The following MON2 variants were observed in gnomAD, a reference collection of about 807,000 sequenced individuals.
The protein encoded by MON2 is MON2 regulator of endosome-to-Golgi trafficking.
Under a neutral mutation model 208.6 loss-of-function variants are expected in MON2, and 84 were observed. That is an observed-to-expected ratio of 0.40 (90% CI 0.34 to 0.48). The LOEUF (loss-of-function observed/expected upper bound fraction) is 0.48, where lower values mean the gene tolerates loss of function less well. MON2 is among the 20% of genes least tolerant of loss of function. MON2 has a pLI of 0.59. For synonymous variants in MON2, 660 were observed against 694.0 expected, an observed-to-expected ratio of 0.95 and a Z score of 0.77; for missense variants, 1,611 against 2,015.4, an observed-to-expected ratio of 0.80 and a Z score of 3.84.
At chr12:62,580,472 C>G in intron 32 of MON2, 52 bp downstream of exon 32, 1 of 1,455,830 alleles carries the variant, frequency 6.9e-7, no homozygotes, top group East Asian at 2.3e-5. Context: ...TTTGAAGAAA[C>G]TGTCAGTAGA....
intron 30 of MON2, among the ~76,000 whole-genome samples, chr12:62,574,612 T>C (rs2074712354): frequency 6.6e-6 from 1 of 152,058 alleles, no homozygotes; most frequent in Non-Finnish European, 1.5e-5. Context: ...TTTTAATGGC[T>C]AAAAATAATA....
At position 62,597,349 on chromosome 12, in the gene MON2, T is replaced by TC. The variant is rs1294668573; in HGVS notation, c.*4601dup. 2 of 152,208 alleles carry TC rather than the reference T, an allele frequency of 1.3e-5. No individual in the cohort carries two copies. Among genetic ancestry groups the TC allele is most frequent in the Non-Finnish European group, 2.9e-5 (2 of 68,040 alleles). The allele number at this position is 152,208 out of a possible 1,614,324, so 9.4% of individuals were successfully genotyped here. On this transcript the variant is annotated 3_prime_UTR_variant, in exon 35 of 35. Coordinates refer to ENST00000393630, the MANE Select transcript of MON2 (RefSeq NM_015026.3). Reference sequence around the variant, plus strand: ...CTGCCTCTTCTCTTTCAGCTCTTTCTCTAATTGTGCCTATTCCTTGTTCAT... The same window carrying TC: ...CTGCCTCTTCTCTTTCAGCTCTTTCTCCTAATTGTGCCTATTCCTTGTTCAT...
chr12:62,497,678 A>T (rs1388839973), intron 4 of MON2, among the ~76,000 whole-genome samples: 1 of 151,890 alleles, frequency 6.6e-6, no homozygotes, highest in African/African-American at 2.4e-5. Flanking sequence ...GCAGTGGCGC[A>T]ATTTTGGCTC....
intron 8 of MON2, among the ~76,000 whole-genome samples, chr12:62,519,149 G>A (rs1046247868): frequency 2.6e-5 from 4 of 152,140 alleles, no homozygotes; most frequent in African/African-American, 7.2e-5. Flanking sequence ...GGAAGAGGGG[G>A]TGCTACCATT....
At chr12:62,537,432 TATG>T (rs1340012106) in intron 15 of MON2, among the ~76,000 whole-genome samples, 167 bp from the exon 16 acceptor site, 3 of 152,248 alleles carry the variant, frequency 2.0e-5, no homozygotes, top group Non-Finnish European at 2.9e-5. Context: ...CTGTAACCAA[TATG>T]ATAATACAAC....
chr12:62,565,917 A>G (rs929433899), intron 27 of MON2, 97 bp from the exon 28 acceptor site: 2 of 1,169,802 alleles, frequency 1.7e-6, no homozygotes, highest in African/African-American at 3.1e-5. Flanking sequence ...TGTTCACTCA[A>G]CATAAAAATT....
In MON2 at chr12:62,479,863, G is replaced by A. The variant is rs142804997; in HGVS notation, c.112-4307G>A. ...TTTATTAGGTTCCCTGCAGATATAC[G>A]TGGTATCTGATCAGAATAGGGAATA... On this transcript the variant is annotated intron_variant, in intron 1 of 34. Coordinates refer to ENST00000393630, the MANE Select transcript of MON2 (RefSeq NM_015026.3). Among the ~76,000 whole-genome samples, 659 of 152,076 alleles carry A rather than the reference G, an allele frequency of 4.3e-3. 7 individuals carry two copies. Among genetic ancestry groups the A allele is most frequent in the African/African-American group, 0.015 (621 of 41,454 alleles).
intron 4 of MON2, among the ~76,000 whole-genome samples, chr12:62,498,436 T>G (rs1446374928): frequency 6.6e-6 from 1 of 152,190 alleles, no homozygotes; most frequent in Non-Finnish European, 1.5e-5. Context: ...CACATGTTTG[T>G]CAGAACTCAT....
chr12:62,482,711 C>T (rs1033028940), intron 1 of MON2: 1 of 152,126 alleles, frequency 6.6e-6, no homozygotes, highest in Non-Finnish European at 1.5e-5. Flanking sequence ...AGATGTAATA[C>T]ATATACGTAA....
Position 62,553,193 on chromosome 12 carries a change from G to C in MON2, c.3210+19G>C. The C allele has an allele frequency of 6.2e-7, 1 of 1,602,764 alleles. No individual in the cohort carries two copies. ...CTGGAAGGTATTGTAAAATAGATTGGACTATCAGCTTTTAATGAGTCATGC... is the reference window on the plus strand; with the variant it reads ...CTGGAAGGTATTGTAAAATAGATTGCACTATCAGCTTTTAATGAGTCATGC... On this transcript the variant is annotated intron_variant, in intron 24 of 34. Coordinates refer to ENST00000393630, the MANE Select transcript of MON2 (RefSeq NM_015026.3).
At chr12:62,546,199 A>G (rs1412914176) in intron 21 of MON2, among the ~76,000 whole-genome samples, 2 of 152,190 alleles carry the variant, frequency 1.3e-5, no homozygotes, top group East Asian at 3.9e-4. Flanking sequence ...TACATATGAT[A>G]TACATTAATA....
At chr12:62,525,709 T>C (rs2072296385) in intron 10 of MON2, among the ~76,000 whole-genome samples, 1 of 152,204 alleles carries the variant, frequency 6.6e-6, no homozygotes, top group African/African-American at 2.4e-5. Context: ...AGGCTAAACA[T>C]TTATCAGCAT....
At chr12:62,529,016 G>A (rs1024545399) in intron 11 of MON2, among the ~76,000 whole-genome samples, 4 of 151,624 alleles carry the variant, frequency 2.6e-5, no homozygotes, top group African/African-American at 4.8e-5. Flanking sequence ...CCACCCTCCC[G>A]CCTCAAGTAC....
intron 26 of MON2, among the ~76,000 whole-genome samples, chr12:62,561,466 GA>G (rs1350415135): frequency 6.6e-6 from 1 of 151,918 alleles, no homozygotes; most frequent in Non-Finnish European, 1.5e-5. Context: ...TAAGCAGTGG[GA>G]TTATATTTTT....
At chr12:62,498,256 G>T (rs982508952) in intron 4 of MON2, among the ~76,000 whole-genome samples, 41 of 152,118 alleles carry the variant, frequency 2.7e-4, no homozygotes, top group African/African-American at 9.4e-4. Context: ...GAATTAATCT[G>T]TTCATATAAA....
intron 32 of MON2, among the ~76,000 whole-genome samples, chr12:62,584,553 A>G (rs1296716908): frequency 6.6e-6 from 1 of 152,020 alleles, no homozygotes; most frequent in Non-Finnish European, 1.5e-5. Context: ...AATACAAAAA[A>G]TTAGCTGGGT....
intron 8 of MON2, among the ~76,000 whole-genome samples, chr12:62,514,732 A>G (rs1011391351): frequency 6.6e-6 from 1 of 152,218 alleles, no homozygotes; most frequent in Non-Finnish European, 1.5e-5. Flanking sequence ...TTCACAAATT[A>G]CATACCTGAA....
At chr12:62,478,892 G>A (rs2069241834) in intron 1 of MON2, among the ~76,000 whole-genome samples, 1 of 152,088 alleles carries the variant, frequency 6.6e-6, no homozygotes, top group Admixed American at 6.6e-5. Context: ...TACAAGATAG[G>A]TTAACCAAAA....
chr12:62,470,047 G>C (rs1039075573), intron 1 of MON2, among the ~76,000 whole-genome samples: 6 of 151,938 alleles, frequency 3.9e-5, no homozygotes, highest in Non-Finnish European at 7.4e-5. Flanking sequence ...TGGGACTACA[G>C]GTGCATGCCA....
Sources: gnomAD v4.1 joint callset for allele counts (sites outside exome capture counted in the v4.1 genomes callset) on GRCh38, gnomAD v4.1.1 for gene constraint, MANE v1.5 for transcripts, NCBI Gene and HGNC (gene_info 2026-07-23, HGNC 2026-07-21) for gene names.